The following RNF180 variants were observed in gnomAD, a reference collection of about 807,000 sequenced individuals.
RNF180 encodes the protein ring finger protein 180, also known as E3 ubiquitin-protein ligase RNF180.
In RNF180, 38 loss-of-function variants were observed where a neutral mutation model predicts 59.2. The ratio of observed to expected loss-of-function variants is 0.64; its 90% CI spans 0.50 to 0.84. The LOEUF (loss-of-function observed/expected upper bound fraction) is 0.84. Among genes scored for constraint, RNF180 ranks in the 40% least tolerant of loss-of-function variants. The pLI is 0.00. For missense variants in RNF180, 705 were observed against 700.9 expected (o/e 1.01, Z -0.07); for synonymous variants, 262 against 240.3 (o/e 1.09, Z -0.84).
At chr5:64,331,086 G>A (rs1054050497) in intron 7 of RNF180, among the ~76,000 whole-genome samples, 1 of 152,232 alleles carries the variant, frequency 6.6e-6, no homozygotes, top group Non-Finnish European at 1.5e-5. Context: ...CACTCTCAGG[G>A]CAGTCCTGAC....
chr5:64,181,065 G>A (rs960941787), intron 1 of RNF180, among the ~76,000 whole-genome samples: 2 of 152,172 alleles, frequency 1.3e-5, no homozygotes, highest in Non-Finnish European at 1.5e-5. Context: ...TCTGATGTTC[G>A]AGGGTAGGAA....
chr5:64,281,954 C>G (rs1742033010), intron 5 of RNF180, among the ~76,000 whole-genome samples: 1 of 152,056 alleles, frequency 6.6e-6, no homozygotes, highest in Admixed American at 6.6e-5. Flanking sequence ...GGGATAAAGC[C>G]TACTTGATCA....
At chr5:64,209,447 T>C (rs1752193025) in intron 2 of RNF180, among the ~76,000 whole-genome samples, 1 of 152,006 alleles carries the variant, frequency 6.6e-6, no homozygotes, top group Non-Finnish European at 1.5e-5. Context: ...ATTAATACAT[T>C]AATACAAATA....
At chr5:64,345,101 A>G (rs758709464) in intron 7 of RNF180, among the ~76,000 whole-genome samples, 2 of 152,170 alleles carry the variant, frequency 1.3e-5, no homozygotes, top group Non-Finnish European at 2.9e-5. Context: ...TTAAAAATGT[A>G]TAGCCCCTAA....
Position 64,199,609 on chromosome 5 carries a change from T to C in RNF180, c.1-1199T>C, listed in dbSNP as rs530925181. ...TTTACTCATTTTCATGTTCCCAGAGTTTGACTCATTGTCTGGCACATAGGT... is the reference window on the plus strand; with the variant it reads ...TTTACTCATTTTCATGTTCCCAGAGCTTGACTCATTGTCTGGCACATAGGT... On this transcript the variant is annotated intron_variant, in intron 1 of 7. Coordinates refer to ENST00000389100, the MANE Select transcript of RNF180 (RefSeq NM_001113561.2). 5.3e-5 allele frequency among the ~76,000 whole-genome samples: 8 copies of C among 152,306 alleles called. No individual in the cohort carries two copies. The South Asian group carries it at 1.5e-3, about 28-fold the overall frequency.
At chr5:64,239,187 T>G (rs557853989) in intron 5 of RNF180, among the ~76,000 whole-genome samples, 13 of 152,298 alleles carry the variant, frequency 8.5e-5, no homozygotes, top group Non-Finnish European at 1.5e-4. Flanking sequence ...ATAAATAGTA[T>G]ACTTCAGGGC....
chr5:64,334,345 C>G (rs1411412081), intron 7 of RNF180, among the ~76,000 whole-genome samples: 1 of 152,168 alleles, frequency 6.6e-6, no homozygotes, highest in African/African-American at 2.4e-5. Flanking sequence ...GTATATGCAG[C>G]CAGGGGAGCC....
intron 1 of RNF180, among the ~76,000 whole-genome samples, chr5:64,176,626 G>A (rs1750252147): frequency 6.6e-6 from 1 of 152,026 alleles, no homozygotes; most frequent in African/African-American, 2.4e-5. Context: ...TTTTAATCTT[G>A]ATAAATTTTT....
At chr5:64,264,536 C>T (rs1258508192) in intron 5 of RNF180, among the ~76,000 whole-genome samples, 1 of 152,134 alleles carries the variant, frequency 6.6e-6, no homozygotes, top group Non-Finnish European at 1.5e-5. Flanking sequence ...CAGCTTCATC[C>T]ATGTCCCTGC....
At chr5:64,292,952 C>T (rs1410160752) in intron 5 of RNF180, among the ~76,000 whole-genome samples, 1 of 152,222 alleles carries the variant, frequency 6.6e-6, no homozygotes, top group African/African-American at 2.4e-5. Context: ...TCTTCCTTGT[C>T]CAGACTGCCT....
intron 5 of RNF180, among the ~76,000 whole-genome samples, chr5:64,221,217 T>A (rs908466433): frequency 4.6e-5 from 7 of 152,028 alleles, no homozygotes; most frequent in African/African-American, 1.7e-4. Flanking sequence ...TTATTCCCCA[T>A]TCATTCTCCT....
intron 5 of RNF180, among the ~76,000 whole-genome samples, chr5:64,308,291 C>G (rs1432040203): frequency 1.3e-5 from 2 of 151,654 alleles, no homozygotes; most frequent in Non-Finnish European, 3.0e-5. Context: ...TGTAATCATT[C>G]GTTGACATGC....
chr5:64,335,953 GT>G (rs1327210284), intron 7 of RNF180, among the ~76,000 whole-genome samples: 1 of 152,016 alleles, frequency 6.6e-6, no homozygotes, highest in Non-Finnish European at 1.5e-5. Context: ...GTTTTATAAT[GT>G]TTTTATAAAT....
Position 64,200,957 on chromosome 5 carries a change from C to A in RNF180, c.135+15C>A, listed in dbSNP as rs756035118. The A allele has an allele frequency of 1.3e-5, 21 of 1,609,476 alleles. No individual in the cohort carries two copies. The South Asian group carries it at 2.0e-4, about 15-fold the overall frequency. On this transcript the variant is annotated intron_variant, in intron 2 of 7. Coordinates refer to ENST00000389100, the MANE Select transcript of RNF180 (RefSeq NM_001113561.2). ...AAGTGATTAAGGTGAGTATTGGTAA[C>A]TCCAGTCTTCAGTTTCCTGGTAGAG...
rs188871567 is a variant in RNF180, at chr5:64,318,269, C to T, written c.1228-6917C>T. 4.7e-3 allele frequency among the ~76,000 whole-genome samples: 721 copies of T among 152,246 alleles called. 4 individuals are homozygous for T. Among genetic ancestry groups the T allele is most frequent in the Non-Finnish European group, 8.3e-3 (562 of 68,008 alleles). ...TATGTGAATGTGTTCTCCCTCTTCTCTCTCAAAATATTTTATTATACCATA... is the reference window on the plus strand; with the variant it reads ...TATGTGAATGTGTTCTCCCTCTTCTTTCTCAAAATATTTTATTATACCATA... On this transcript the variant is annotated intron_variant, in intron 5 of 7. Transcript: ENST00000389100.
At chr5:64,217,994 A>G (rs1276941950) in intron 5 of RNF180, among the ~76,000 whole-genome samples, 1 of 152,094 alleles carries the variant, frequency 6.6e-6, no homozygotes, top group Non-Finnish European at 1.5e-5. Context: ...TCTTTCTTTT[A>G]AGGGTTCTTT....
At chr5:64,368,960 G>A (rs1241463211) in intron 7 of RNF180, among the ~76,000 whole-genome samples, 3 of 152,064 alleles carry the variant, frequency 2.0e-5, no homozygotes, top group South Asian at 2.1e-4. Context: ...CCATTACTGG[G>A]TATATACCCA....
intron 7 of RNF180, among the ~76,000 whole-genome samples, chr5:64,364,508 G>A (rs1221606521): frequency 1.3e-5 from 2 of 151,604 alleles, no homozygotes; most frequent in Admixed American, 6.6e-5. Flanking sequence ...ATCGATGTTT[G>A]TCAAGGACAT....
At chr5:64,256,086 G>C (rs1743931502) in intron 5 of RNF180, among the ~76,000 whole-genome samples, 1 of 152,130 alleles carries the variant, frequency 6.6e-6, no homozygotes, top group Non-Finnish European at 1.5e-5. Context: ...GTTCATTGTA[G>C]ATTCTGGATA....
Sources: gnomAD v4.1 joint callset for allele counts (sites outside exome capture counted in the v4.1 genomes callset) on GRCh38, gnomAD v4.1.1 for gene constraint, MANE v1.5 for transcripts, NCBI Gene and HGNC (gene_info 2026-07-23, HGNC 2026-07-21) for gene names.